TSHZ2: variants seen among roughly 807,000 people sequenced by gnomAD.
The protein encoded by TSHZ2 is teashirt zinc finger homeobox 2, also known as teashirt homolog 2.
A neutral mutation model predicts 74.4 loss-of-function variants in TSHZ2; 21 were observed. The ratio of observed to expected loss-of-function variants is 0.28; its 90% confidence interval spans 0.20 to 0.41. TSHZ2 has a LOEUF of 0.41. TSHZ2 is among the 10% of genes least tolerant of loss of function. The pLI is 1.00. For synonymous variants in TSHZ2, 540 were observed against 515.3 expected (o/e 1.05, Z -0.65); for missense variants, 1,244 against 1,293.5 (o/e 0.96, Z 0.59).
At chr20:53,335,815 T>C (rs148675910) in intron 2 of TSHZ2, among the ~76,000 whole-genome samples, 237 of 107,394 alleles carry the variant, frequency 2.2e-3, no homozygotes, top group Middle Eastern at 4.3e-3. Context: ...CAACCTCATC[T>C]GCCAGGCGGC....
At chr20:53,333,603 C>T (rs1236671896) in intron 2 of TSHZ2, among the ~76,000 whole-genome samples, 1 of 152,122 alleles carries the variant, frequency 6.6e-6, no homozygotes, top group African/African-American at 2.4e-5. Flanking sequence ...CTATAGGCAC[C>T]CACCACCACG....
At position 53,263,553 on chromosome 20, in the gene TSHZ2, T is replaced by G. The variant is rs566277085; in HGVS notation, c.*8+6982T>G. Among the ~76,000 whole-genome samples the G allele has an allele frequency of 8.6e-5, 13 of 151,500 alleles. No homozygotes were observed. The South Asian group carries it at 2.7e-3, about 31-fold the overall frequency. The stretch of plus-strand genomic sequence containing the variant: ...CCCCCCAGTGTTCTAGTCGAGAGGG[T>G]TTTTTTAATGGATGTGTTTTGGTTT... On this transcript the variant is annotated intron_variant, in intron 2 of 2. Transcript: ENST00000371497.
At chr20:53,407,188 T>C (rs1982885868) in intron 2 of TSHZ2, among the ~76,000 whole-genome samples, 1 of 152,198 alleles carries the variant, frequency 6.6e-6, no homozygotes, top group Non-Finnish European at 1.5e-5. Context: ...ATTCCTTTCT[T>C]CTTGATTTCT....
rs555549222 is a variant in TSHZ2, at chr20:53,359,631, C to T, written c.*8+103060C>T. ...GCTATTACAATCTTTATTTGTCCCA[C>T]GTGGTGAAGATCTGAGCAGCGGGGC... is the stretch of plus-strand genomic sequence containing the variant. On this transcript the variant is annotated intron_variant, in intron 2 of 2. Coordinates refer to ENST00000371497, the MANE Select transcript of TSHZ2 (RefSeq NM_173485.6). 2.6e-5 allele frequency among the ~76,000 whole-genome samples: 4 copies of T among 152,276 alleles called. No homozygotes were observed. The East Asian group carries it at 5.8e-4, about 22-fold the overall frequency.
At chr20:53,347,711 T>A (rs145534502) in intron 2 of TSHZ2, among the ~76,000 whole-genome samples, 92 of 152,310 alleles carry the variant, frequency 6.0e-4, no homozygotes, top group African/African-American at 2.1e-3. Context: ...TAGGTAAACA[T>A]GTGCCATCAT....
chr20:53,056,108 T>C (rs967378073), intron 1 of TSHZ2, among the ~76,000 whole-genome samples: 1 of 152,374 alleles, frequency 6.6e-6, no homozygotes, highest in East Asian at 1.9e-4. Context: ...TCAAGAGTTA[T>C]TTTATCTATA....
At chr20:53,164,074 T>A (rs1988010816) in intron 1 of TSHZ2, among the ~76,000 whole-genome samples, 1 of 152,212 alleles carries the variant, frequency 6.6e-6, no homozygotes, top group Non-Finnish European at 1.5e-5. Flanking sequence ...GACATTTACT[T>A]TGTTCTGTTT....
chr20:53,066,542 C>T lies in TSHZ2; in HGVS notation c.40+93209C>T, dbSNP rs528465088. On this transcript the variant is annotated intron_variant, in intron 1 of 2. Transcript: ENST00000371497. ...CTTTGTTTGTTTGTTTGTTCTGAGA[C>T]AGAGCCTAGCTCTGTCACCAGGCTG... Among the ~76,000 whole-genome samples the T allele has an allele frequency of 5.5e-4, 84 of 152,228 alleles. 1 individual carries two copies. The South Asian group carries it at 0.013, about 24-fold the overall frequency.
chr20:53,295,387 TAAAG>T (rs1351996023), intron 2 of TSHZ2, among the ~76,000 whole-genome samples: 3 of 151,688 alleles, frequency 2.0e-5, no homozygotes, highest in Non-Finnish European at 4.4e-5. Context: ...CAAGGGGTAG[TAAAG>T]AAAGTTAAAT....
intron 2 of TSHZ2, chr20:53,421,515 A>G (rs2145717043): frequency 4.3e-6 from 1 of 233,924 alleles, no homozygotes; most frequent in Non-Finnish European, 8.9e-6. Context: ...GCACTGCCAA[A>G]ATCGAGTGGC....
At chr20:53,230,170 AT>A (rs2123668024) in intron 1 of TSHZ2, among the ~76,000 whole-genome samples, 1 of 152,258 alleles carries the variant, frequency 6.6e-6, no homozygotes, top group African/African-American at 2.4e-5. Context: ...CTTTTTTCAT[AT>A]ATTTATTTAT....
At chr20:53,001,631 A>T (rs1014312359) in intron 1 of TSHZ2, among the ~76,000 whole-genome samples, 8 of 152,216 alleles carry the variant, frequency 5.3e-5, no homozygotes, top group Non-Finnish European at 1.0e-4. Flanking sequence ...CAGGGGAGCT[A>T]AACTCTGCTG....
chr20:53,194,166 G>A (rs1016151312), intron 1 of TSHZ2, among the ~76,000 whole-genome samples: 7 of 152,212 alleles, frequency 4.6e-5, no homozygotes, highest in South Asian at 2.1e-4. Context: ...CCAGTTCCCC[G>A]AACTCTTCTG....
At chr20:52,983,444 T>C (rs1981640830) in intron 1 of TSHZ2, among the ~76,000 whole-genome samples, 1 of 152,206 alleles carries the variant, frequency 6.6e-6, no homozygotes, top group African/African-American at 2.4e-5. Flanking sequence ...CTTGGCACCG[T>C]TTAGGCAGTA....
At chr20:53,217,335 A>G (rs1350410063) in intron 1 of TSHZ2, among the ~76,000 whole-genome samples, 1 of 152,150 alleles carries the variant, frequency 6.6e-6, no homozygotes, top group Non-Finnish European at 1.5e-5. Flanking sequence ...CTCACCCGAC[A>G]GCCCCCTGGC....
intron 1 of TSHZ2, among the ~76,000 whole-genome samples, chr20:53,154,407 C>T (rs11696852): frequency 0.22 from 33,486 of 152,042 alleles, 3,783 homozygotes; most frequent in East Asian, 0.38. Context: ...ATAAAAATAA[C>T]AAATAATAAA....
intron 1 of TSHZ2, among the ~76,000 whole-genome samples, chr20:53,250,087 T>C (rs554892164): frequency 2.2e-4 from 34 of 152,290 alleles, no homozygotes; most frequent in African/African-American, 7.2e-4. Context: ...GGACATCTCA[T>C]GTGGCCAGAG....
In TSHZ2 at chr20:53,183,564, G is replaced by T. The variant is rs186844303; in HGVS notation, c.41-69935G>T. Among the ~76,000 whole-genome samples, 148 of 152,292 alleles carry T rather than the reference G, an allele frequency of 9.7e-4. 2 individuals are homozygous for T. The East Asian group carries it at 0.024, about 25-fold the overall frequency. On this transcript the variant is annotated intron_variant, in intron 1 of 2. Transcript: ENST00000371497. ...GGCAGGATTCAAGGCTCAGCTGTGT[G>T]TGAGCAGATCCTTCATACACAACCA...
At chr20:53,106,695 G>A (rs1389975872) in intron 1 of TSHZ2, among the ~76,000 whole-genome samples, 4 of 139,514 alleles carry the variant, frequency 2.9e-5, no homozygotes, top group Non-Finnish European at 6.1e-5. Flanking sequence ...ACCACGCAGG[G>A]CATTTTTTTT....
Sources: allele counts gnomAD v4.1 joint callset (sites outside exome capture counted in the v4.1 genomes callset), GRCh38; gene constraint gnomAD v4.1.1; transcripts MANE v1.5; gene names NCBI Gene and HGNC (gene_info 2026-07-23, HGNC 2026-07-21).